The following RASA3 variants were observed in gnomAD, a reference collection of about 807,000 sequenced individuals.
RASA3 encodes the protein RAS p21 protein activator 3.
In RASA3, 73 loss-of-function variants were observed where a neutral mutation model predicts 110.0. The ratio of observed to expected loss-of-function variants is 0.66; its 90% CI spans 0.55 to 0.81. The LOEUF (loss-of-function observed/expected upper bound fraction) is 0.81, where lower values mean the gene tolerates loss of function less well. RASA3 is among the 30% of genes least tolerant of loss of function. The probability of loss-of-function intolerance (pLI) is 0.00; values close to 1 mark genes in which losing one functional copy is unlikely to be tolerated. For synonymous variants in RASA3, 500 were observed against 451.4 expected (o/e 1.11, Z -1.37); for missense variants, 976 against 1,113.2 (o/e 0.88, Z 1.75).
intron 2 of RASA3, among the ~76,000 whole-genome samples, chr13:114,067,215 G>A (rs1418551771): frequency 6.8e-6 from 1 of 147,610 alleles, no homozygotes; most frequent in African/African-American, 2.5e-5. Flanking sequence ...CCCACCTGGG[G>A]CACTTCTGGG....
At chr13:114,127,175 C>A (rs145657439) in intron 1 of RASA3, among the ~76,000 whole-genome samples, 1 of 152,256 alleles carries the variant, frequency 6.6e-6, no homozygotes, top group African/African-American at 2.4e-5. Flanking sequence ...GCGGTTCACA[C>A]GCTCCTTAGC....
chr13:114,071,535 C>T (rs909826396), intron 2 of RASA3, among the ~76,000 whole-genome samples: 62 of 152,222 alleles, frequency 4.1e-4, no homozygotes, highest in African/African-American at 1.5e-3. Context: ...AAAGGCACTT[C>T]TGAAGGGCTC....
chr13:113,978,758 C>T lies in RASA3; in HGVS notation c.*589G>A, dbSNP rs2052836287. 6.5e-6 allele frequency: 1 copy of T among 153,982 alleles called. No homozygotes were observed. Among genetic ancestry groups the T allele is most frequent in the Non-Finnish European group, 1.4e-5 (1 of 69,252 alleles). The allele number at this position is 153,982 out of a possible 1,614,324, so 9.5% of individuals were successfully genotyped here. A position where few individuals can be genotyped will look rare whatever the true frequency, so the allele number is the denominator to read the frequency against. ...GCACCTCCCAGCCATAAAACTGACCCCTCAGCCAGGAATCAAACGAACCTC... is the reference window on the plus strand; with the variant it reads ...GCACCTCCCAGCCATAAAACTGACCTCTCAGCCAGGAATCAAACGAACCTC... On this transcript the variant is annotated 3_prime_UTR_variant, in exon 24 of 24. Transcript: ENST00000334062.
At chr13:114,005,205 G>A (rs2053487971) in intron 18 of RASA3, among the ~76,000 whole-genome samples, 1 of 152,184 alleles carries the variant, frequency 6.6e-6, no homozygotes, top group South Asian at 2.1e-4. Context: ...TTCACGAGAA[G>A]CCCCATCCAA....
Position 114,017,307 on chromosome 13 carries a change from C to T in RASA3, c.1136G>A (p.Cys379Tyr). ...IFRGNSLASKCIDETMKLAGM... is the reference protein window; with the variant it reads ...IFRGNSLASKYIDETMKLAGM... Reference sequence around the variant, plus strand: ...CGCCAGCTTCATGGTCTCGTCGATGCACTTGGACGCCAGTGAGTTTCCTCG... The same window carrying T: ...CGCCAGCTTCATGGTCTCGTCGATGTACTTGGACGCCAGTGAGTTTCCTCG... Residue 379 changes from cysteine (C) to tyrosine (Y), a missense_variant, in exon 12 of 24, where the codon TGC (cysteine) becomes TAC (tyrosine). Cys to Tyr is a radical substitution (Grantham distance 194). Transcript: ENST00000334062. 1 of 1,614,026 alleles carries T rather than the reference C, an allele frequency of 6.2e-7. No individual in the cohort carries two copies. The highest frequency in any genetic ancestry group is 8.5e-7 in the Non-Finnish European group (1 of 1,180,038).
At chr13:114,071,812 A>G (rs2079577128) in intron 2 of RASA3, among the ~76,000 whole-genome samples, 1 of 152,204 alleles carries the variant, frequency 6.6e-6, no homozygotes, top group Non-Finnish European at 1.5e-5. Context: ...CCAGGGCAGG[A>G]GACCCCTCAC....
rs146748189 is a variant in RASA3, at chr13:114,021,853, G to A, written c.681-345C>T. 6.1e-3 allele frequency among the ~76,000 whole-genome samples: 913 copies of A among 150,398 alleles called. 4 individuals are homozygous for A. Among genetic ancestry groups the A allele is most frequent in the African/African-American group, 0.021 (866 of 40,716 alleles). On this transcript the variant is annotated intron_variant, in intron 8 of 23. Coordinates refer to ENST00000334062, the MANE Select transcript of RASA3 (RefSeq NM_007368.4). ...CTCTTACATAGGAGGGAGCCTGGGC[G>A]TCGCTGCGTGCACCCAGGAGCTACA...
chr13:114,048,716 G>A lies in RASA3; in HGVS notation c.277+3336C>T, dbSNP rs1250645332. ...GTCACGGCCCTGCAGCTGGGAGCCC[G>A]GCTTGACTGACAGTTCCCGCCGGCA... On this transcript the variant is annotated intron_variant, in intron 3 of 23. Transcript: ENST00000334062. This position sits in a 1 kb window ranked among gnomAD's most constrained non-coding sequence, Gnocchi z 4.3. Among the ~76,000 whole-genome samples, 2 of 152,186 alleles carry A rather than the reference G, an allele frequency of 1.3e-5. No individual in the cohort carries two copies. The highest frequency in any genetic ancestry group is 4.8e-5 in the African/African-American group (2 of 41,432).
intron 1 of RASA3, among the ~76,000 whole-genome samples, chr13:114,110,736 G>A (rs2080206613): frequency 6.6e-6 from 1 of 152,180 alleles, no homozygotes; most frequent in Non-Finnish European, 1.5e-5. Context: ...GCCTTCACCC[G>A]CTCAGCCTCC....
At chr13:114,068,271 C>T (rs1177374603) in intron 2 of RASA3, among the ~76,000 whole-genome samples, 1 of 152,232 alleles carries the variant, frequency 6.6e-6, no homozygotes, top group Non-Finnish European at 1.5e-5. Flanking sequence ...GCCTCAACCC[C>T]AGTGGCAGGG....
intron 2 of RASA3, among the ~76,000 whole-genome samples, chr13:114,055,851 C>T (rs1267548982): frequency 3.9e-5 from 6 of 152,324 alleles, no homozygotes; most frequent in East Asian, 1.9e-4. Context: ...AGAAGCCCAG[C>T]GGGAGCACGC....
intron 1 of RASA3, among the ~76,000 whole-genome samples, chr13:114,117,089 G>A (rs1433635457): frequency 1.4e-5 from 2 of 141,220 alleles, no homozygotes; most frequent in Non-Finnish European, 3.1e-5. Flanking sequence ...CGTGTGTGAG[G>A]GATGCATGTG....
rs531088241 is a variant in RASA3 at position 114,056,153 on chromosome 13, C to T, written c.174-3998G>A. Among the ~76,000 whole-genome samples, 2 of 152,294 alleles carry T rather than the reference C, an allele frequency of 1.3e-5. No homozygotes were observed. The highest frequency in any genetic ancestry group is 4.1e-4 in the South Asian group (2 of 4,824). On this transcript the variant is annotated intron_variant, in intron 2 of 23. Transcript: ENST00000334062. The surrounding 1 kb of genome is among the most constrained non-coding windows in gnomAD (Gnocchi z 5.7). ...GGCCTGTGCCTGCCTGGCAGGAAGG[C>T]AGGGAGGAGGAAGTGGGTCGGGCTG...
At chr13:114,043,043 C>A (rs186771705) in intron 3 of RASA3, among the ~76,000 whole-genome samples, 1 of 152,196 alleles carries the variant, frequency 6.6e-6, no homozygotes, top group African/African-American at 2.4e-5. Flanking sequence ...CGGGCTCATG[C>A]GAGCGAGACC....
intron 18 of RASA3, among the ~76,000 whole-genome samples, chr13:114,001,663 T>C (rs1157882621): frequency 1.0e-3 from 103 of 102,196 alleles, no homozygotes; most frequent in African/African-American, 2.3e-3. Flanking sequence ...CCTGCGGCCG[T>C]GGGCTCGGGG....
intron 1 of RASA3, 99 bp downstream of exon 1, chr13:114,132,336 G>T: frequency 7.9e-7 from 1 of 1,260,798 alleles, no homozygotes; most frequent in Non-Finnish European, 1.0e-6. Flanking sequence ...GGGCGTCTCC[G>T]CCGGGGTCCC....
intron 22 of RASA3, among the ~76,000 whole-genome samples, chr13:113,982,536 G>A (rs34237787): frequency 0.019 from 2,857 of 152,366 alleles, 30 homozygotes; most frequent in Admixed American, 0.021. Context: ...CCTTGAGCCA[G>A]GGCAGGGCCC....
rs115274585 is a variant in RASA3, at chr13:114,048,510, A to G, written c.277+3542T>C. On this transcript the variant is annotated intron_variant, in intron 3 of 23. Coordinates refer to ENST00000334062, the MANE Select transcript of RASA3 (RefSeq NM_007368.4). The surrounding 1 kb of genome is among the most constrained non-coding windows in gnomAD (Gnocchi z 4.3). Reference sequence around the variant, plus strand: ...GCCAGGATCGGGGGCGGAGACCCCAATGCTCCTGACAGCACCGAGCCGGGC... The same window carrying G: ...GCCAGGATCGGGGGCGGAGACCCCAGTGCTCCTGACAGCACCGAGCCGGGC... Among the ~76,000 whole-genome samples the G allele has an allele frequency of 0.11, 16,355 of 152,084 alleles. 1,153 individuals carry two copies. The highest frequency in any genetic ancestry group is 0.18 in the Middle Eastern group (52 of 294).
At chr13:114,081,635 A>C (rs1002400866) in intron 1 of RASA3, among the ~76,000 whole-genome samples, 4 of 152,214 alleles carry the variant, frequency 2.6e-5, no homozygotes, top group Non-Finnish European at 4.4e-5. Flanking sequence ...ATGGGAAAGA[A>C]GGCGATTGCA....
Sources: gnomAD v4.1 joint callset for allele counts (sites outside exome capture counted in the v4.1 genomes callset) on GRCh38, gnomAD v4.1.1 for gene constraint, Gnocchi (gnomAD v3.1) non-coding constraint, MANE v1.5 for transcripts, NCBI Gene and HGNC (gene_info 2026-07-23, HGNC 2026-07-21) for gene names.